Variants in ATM observed in about 807,000 individuals in gnomAD.
ATM encodes ATM serine/threonine kinase.
ATM carries 308 observed loss-of-function variants against 387.0 expected under a neutral mutation model. The observed-to-expected ratio is 0.80, with a 90% confidence interval of 0.73 to 0.87. The LOEUF (loss-of-function observed/expected upper bound fraction) is 0.87. Among genes scored for constraint, ATM ranks in the 40% least tolerant of loss-of-function variants. The pLI, the probability that ATM is intolerant of heterozygous loss-of-function variation, is 0.00. For missense variants in ATM, 3,312 were observed against 3,560.9 expected (o/e 0.93, Z 1.78); for synonymous variants, 1,156 against 1,187.3 (o/e 0.97, Z 0.54).
At chr11:108,281,312 T>A in intron 24 of ATM, 144 bp downstream of exon 24, 1 of 846,200 alleles carries the variant, frequency 1.2e-6, no homozygotes, top group East Asian at 2.6e-5. Context: ...TGGAAAGCAG[T>A]TATACAAAAA....
rs1298759781 is a variant in ATM at position 108,333,830 on chromosome 11, GACCTTC to G, written c.7928-54_7928-49del. The G allele has an allele frequency of 1.7e-4, 233 of 1,356,134 alleles. No homozygotes were observed. Among genetic ancestry groups the G allele is most frequent in the Non-Finnish European group, 2.2e-4 (210 of 945,876 alleles). The allele number at this position is 1,356,134 out of a possible 1,614,324, so 84.0% of individuals were successfully genotyped here. A position where few individuals can be genotyped will look rare whatever the true frequency, so the allele number is the denominator to read the frequency against. On this transcript the variant is annotated intron_variant, in intron 53 of 62. Transcript: ENST00000675843. ...TGGTATCTGCTGACTATTCCTGCTT[GACCTTC>G]AATGCTGTTCCTCAGTTTGTCACTA...
At chr11:108,312,327 T>C (rs1209090622) in intron 39 of ATM, 84 bp from the exon 40 acceptor site, 2 of 1,044,074 alleles carry the variant, frequency 1.9e-6, no homozygotes, top group Non-Finnish European at 3.0e-6. Flanking sequence ...CATTAGTTTT[T>C]TTCTGTCAAA....
rs878853545 is a variant in ATM at position 108,331,897 on chromosome 11, A to G, written c.7648A>G (p.Met2550Val). ...CTTACAGCTAATCTCTAGAATTTCAATGGATCACCCCCATCACACTTTGTT... is the reference window on the plus strand; with the variant it reads ...CTTACAGCTAATCTCTAGAATTTCAGTGGATCACCCCCATCACACTTTGTT... ...VLNNLISRIS[M>V]DHPHHTLFII... is the part of the protein sequence containing the mutation. The change falls in exon 52 of 63, where the codon ATG becomes GTG. Residue 2550 changes from methionine to valine, a missense_variant. Met to Val is a conservative substitution (Grantham distance 21). This residue lies in a region of ATM where 1,405 missense variants were observed against 1,604.4 expected (regional missense o/e 0.88). Transcript: ENST00000675843. 2 of 1,613,702 alleles carry G rather than the reference A, an allele frequency of 1.2e-6. No individual in the cohort carries two copies. The highest frequency in any genetic ancestry group is 1.3e-5 in the African/African-American group (1 of 74,934).
rs1475776863 is a variant in ATM, at chr11:108,319,354, CT to C, written c.6348-599del. On this transcript the variant is annotated intron_variant, in intron 43 of 62. Transcript: ENST00000675843. ...CCTCTTGTATTTCAGCTACACAGAC[CT>C]CTCTGTGTTTTCTTGTCAGGCCAAG... Among the ~76,000 whole-genome samples, 10 of 152,190 alleles carry C rather than the reference CT, an allele frequency of 6.6e-5. No individual in the cohort carries two copies. In the South Asian group the frequency reaches 8.3e-4, roughly 13 times the overall value.
At position 108,330,422 on chromosome 11, in the gene ATM, G is replaced by C. The variant is rs1591161831; in HGVS notation, c.7515+1G>C. On this transcript the variant is annotated splice_donor_variant, in intron 50 of 62. Transcript: ENST00000675843. LOFTEE classifies it high-confidence loss of function. ...TTCTGAAGTCAATGGCATGATGAAG[G>C]CAAGTGTTACTCAGCCCAATATTCT... 6.2e-7 allele frequency: 1 copy of C among 1,614,032 alleles called. No homozygotes were observed. Among genetic ancestry groups the C allele is most frequent in the Admixed American group, 1.7e-5 (1 of 60,028 alleles).
chr11:108,349,725 A>T (rs1656055980), intron 59 of ATM, among the ~76,000 whole-genome samples: 1 of 152,176 alleles, frequency 6.6e-6, no homozygotes, highest in African/African-American at 2.4e-5. Context: ...TGGCAGAGAA[A>T]TTTGCTGCAG....
chr11:108,253,906 C>T lies in ATM; in HGVS notation c.1991C>T (p.Thr664Ile), dbSNP rs1231343218. 1 of 1,614,012 alleles carries T rather than the reference C, an allele frequency of 6.2e-7. No homozygotes were observed. Among genetic ancestry groups the T allele is most frequent in the African/African-American group, 1.3e-5 (1 of 75,018 alleles). The part of the protein sequence containing the change: ...QTTFDKMDFL[T>I]IVRECGIEKH... ...ACTTTTGACAAGATGGACTTTTTAA[C>T]CATTGTGAGAGAATGTGGTATAGAA... Residue 664 changes from threonine to isoleucine, a missense_variant, in exon 13 of 63, where the codon ACC (threonine) becomes ATC (isoleucine). Physicochemically the swap from Thr to Ile is moderately conservative, Grantham distance 89. Around this residue, in one of 4 missense-constraint regions of ATM, gnomAD observed 1,791 missense variants for 1,804.5 expected, o/e 0.99. Transcript: ENST00000675843.
At chr11:108,317,829 T>C (rs1476458126) in intron 43 of ATM, among the ~76,000 whole-genome samples, 1 of 151,562 alleles carries the variant, frequency 6.6e-6, no homozygotes, top group Non-Finnish European at 1.5e-5. Flanking sequence ...TACTCTCTTA[T>C]TCCATTAGGA....
intron 4 of ATM, chr11:108,229,847 A>ATT (rs750166641): frequency 4.4e-5 from 6 of 136,646 alleles, no homozygotes; most frequent in South Asian, 2.3e-4. Flanking sequence ...TGCCAGGCTG[A>ATT]TTTTTTTTTT....
In ATM at chr11:108,288,933, A is replaced by G. The variant is rs770700003; in HGVS notation, c.4110-44A>G. 3.7e-6 allele frequency: 6 copies of G among 1,612,414 alleles called. No individual in the cohort carries two copies. The African/African-American group carries it at 8.0e-5, about 22-fold the overall frequency. On this transcript the variant is annotated intron_variant, in intron 27 of 62. Coordinates refer to ENST00000675843, the MANE Select transcript of ATM (RefSeq NM_000051.4). ...GGAAGTTCACTGGTCTATGAACAAA[A>G]CTTTTTAAAACGATGACTGTATTTT...
chr11:108,353,905 G>C, intron 60 of ATM, 25 bp downstream of exon 60: 1 of 1,592,932 alleles, frequency 6.3e-7, no homozygotes, highest in Non-Finnish European at 8.6e-7. Context: ...GTAAAGGAGG[G>C]AAATAATTTT....
intron 35 of ATM, 111 bp downstream of exon 35, chr11:108,301,900 C>G: frequency 7.8e-6 from 9 of 1,156,648 alleles, no homozygotes; most frequent in Non-Finnish European, 1.0e-5. Context: ...TAACTATTAA[C>G]CTTTCCTATA....
intron 59 of ATM, among the ~76,000 whole-genome samples, chr11:108,349,817 A>G (rs1307340027): frequency 6.6e-6 from 1 of 152,176 alleles, no homozygotes; most frequent in Non-Finnish European, 1.5e-5. Context: ...CAGGAGAAAA[A>G]CAAAAGATAA....
chr11:108,244,618 T>G (rs1237882619), intron 6 of ATM, among the ~76,000 whole-genome samples, 170 bp from the exon 7 acceptor site: 1 of 119,410 alleles, frequency 8.4e-6, no homozygotes. Flanking sequence ...TTTGTCAGTG[T>G]GAAGTAATGC....
Position 108,281,136 on chromosome 11 carries a change from G to C in ATM, c.3544G>C (p.Glu1182Gln), listed in dbSNP as rs377349886. Reference protein sequence around the residue: ...ALFALCKSVKENGLEPHLVKK... With the variant: ...ALFALCKSVKQNGLEPHLVKK... Reference sequence around the variant, plus strand: ...GTTTGCCCTGTGTAAATCTGTGAAAGAGAATGGATTAGAACCTCACCTTGT... The same window carrying C: ...GTTTGCCCTGTGTAAATCTGTGAAACAGAATGGATTAGAACCTCACCTTGT... Residue 1182 changes from glutamate (E) to glutamine (Q), a missense_variant, in exon 24 of 63, where the codon GAG becomes CAG. By Grantham distance (29) the Glu-to-Gln change is conservative. Transcript: ENST00000675843. The C allele has an allele frequency of 8.7e-6, 14 of 1,613,850 alleles. No individual in the cohort carries two copies. The African/African-American group carries it at 1.9e-4, about 22-fold the overall frequency.
chr11:108,310,734 A>G (rs1039947579), intron 39 of ATM, among the ~76,000 whole-genome samples: 5 of 152,188 alleles, frequency 3.3e-5, no homozygotes, highest in African/African-American at 1.2e-4. Context: ...AAAATATCCA[A>G]AATTATAATC....
At chr11:108,326,862 G>A (rs1346517630) in intron 47 of ATM, among the ~76,000 whole-genome samples, 1 of 152,084 alleles carries the variant, frequency 6.6e-6, no homozygotes, top group Non-Finnish European at 1.5e-5. Flanking sequence ...GTCTTGCTCT[G>A]TCACCCAGGC....
Position 108,223,138 on chromosome 11 carries a change from C to T in ATM, c.-79C>T, listed in dbSNP as rs1306117185. ...GAGGCGAGAGGAGTCGGGATCTGCG[C>T]TGCAGCCACCGCCGCGGTTGATACT... On this transcript the variant is annotated 5_prime_UTR_variant, in exon 1 of 63. Transcript: ENST00000675843. 5.6e-6 allele frequency: 1 copy of T among 178,024 alleles called. No individual in the cohort carries two copies. The highest frequency in any genetic ancestry group is 1.2e-5 in the Non-Finnish European group (1 of 82,194). 11.0% of individuals were successfully genotyped at this position (178,024 alleles called of 1,614,324 possible).
intron 61 of ATM, among the ~76,000 whole-genome samples, chr11:108,360,273 G>GC (rs1555147852): frequency 1.3e-5 from 2 of 149,942 alleles, no homozygotes; most frequent in Non-Finnish European, 3.0e-5. Context: ...GAATAGACCA[G>GC]TAACAGGAGC....
Sources: gnomAD v4.1 joint callset for allele counts (sites outside exome capture counted in the v4.1 genomes callset) on GRCh38, gnomAD v4.1.1 for gene constraint, gnomAD v4.1.1 regional missense constraint, MANE v1.5 for transcripts, NCBI Gene and HGNC (gene_info 2026-07-23, HGNC 2026-07-21) for gene names.